Variants in PXDNL observed in about 807,000 individuals in gnomAD.
PXDNL encodes probable oxidoreductase PXDNL.
PXDNL carries 145 observed loss-of-function variants against 150.8 expected under a neutral mutation model. The observed-to-expected ratio is 0.96, with a 90% CI of 0.84 to 1.10. PXDNL has a LOEUF of 1.10. Ranked by LOEUF, PXDNL falls within the 50% of genes least tolerant of loss-of-function variation. The pLI is 0.00. For synonymous variants in PXDNL, 757 were observed against 725.7 expected (o/e 1.04, Z -0.69); for missense variants, 2,087 against 1,873.9 (o/e 1.11, Z -2.10).
At chr8:51,673,149 A>G (rs1018032558) in intron 1 of PXDNL, among the ~76,000 whole-genome samples, 1 of 152,222 alleles carries the variant, frequency 6.6e-6, no homozygotes, top group Non-Finnish European at 1.5e-5. Flanking sequence ...TAAGTGACCA[A>G]CAAACAGAGA....
chr8:51,570,458 G>T (rs1812910243), intron 3 of PXDNL, among the ~76,000 whole-genome samples: 1 of 151,742 alleles, frequency 6.6e-6, no homozygotes, highest in African/African-American at 2.4e-5. Context: ...GTCACCAAGA[G>T]AATCTAACCT....
intron 1 of PXDNL, among the ~76,000 whole-genome samples, chr8:51,659,769 T>G (rs755845194): frequency 5.3e-5 from 8 of 152,142 alleles, no homozygotes; most frequent in Non-Finnish European, 7.4e-5. Flanking sequence ...CCAGTGGATT[T>G]TAGGGCAAAT....
chr8:51,407,875 G>GA (rs2130883735), intron 17 of PXDNL, among the ~76,000 whole-genome samples, 192 bp downstream of exon 17: 1 of 152,226 alleles, frequency 6.6e-6, no homozygotes, highest in South Asian at 2.1e-4. Flanking sequence ...GAGGTGGATA[G>GA]AAAAAGGAGC....
chr8:51,351,855 G>T (rs1806363459), intron 19 of PXDNL, among the ~76,000 whole-genome samples: 1 of 151,986 alleles, frequency 6.6e-6, no homozygotes, highest in South Asian at 2.1e-4. Context: ...ATAAAAATCA[G>T]AAAAATGTTA....
At chr8:51,656,782 G>T (rs778623368) in intron 1 of PXDNL, among the ~76,000 whole-genome samples, 1 of 151,946 alleles carries the variant, frequency 6.6e-6, no homozygotes, top group African/African-American at 2.4e-5. Flanking sequence ...ATAATTTCAC[G>T]TGTGTATGTT....
chr8:51,704,168 A>T (rs542377627), intron 1 of PXDNL, among the ~76,000 whole-genome samples: 9 of 152,308 alleles, frequency 5.9e-5, no homozygotes, highest in Admixed American at 4.6e-4. Flanking sequence ...CTTTCAATTT[A>T]CCATATAAAT....
intron 1 of PXDNL, among the ~76,000 whole-genome samples, chr8:51,796,460 A>C (rs2037561937): frequency 6.6e-6 from 1 of 152,158 alleles, no homozygotes; most frequent in Admixed American, 6.5e-5. Flanking sequence ...GAGAAAAATC[A>C]AATAGACACA....
At chr8:51,526,358 A>T (rs76925809) in intron 4 of PXDNL, among the ~76,000 whole-genome samples, 4,597 of 150,386 alleles carry the variant, frequency 0.031, 209 homozygotes, top group African/African-American at 0.11. Flanking sequence ...TTTTTTTTTT[A>T]AATTTCATTT....
intron 1 of PXDNL, among the ~76,000 whole-genome samples, chr8:51,670,264 T>C (rs1429952333): frequency 6.6e-6 from 1 of 152,050 alleles, no homozygotes; most frequent in African/African-American, 2.4e-5. Context: ...AAAGATTTCT[T>C]GCTTCAGTTG....
At chr8:51,690,039 CT>C (rs1443045569) in intron 1 of PXDNL, among the ~76,000 whole-genome samples, 1 of 152,192 alleles carries the variant, frequency 6.6e-6, no homozygotes. Context: ...TCCTCCTAAC[CT>C]CTCTGATAAT....
At chr8:51,531,941 C>T (rs946073121) in intron 4 of PXDNL, among the ~76,000 whole-genome samples, 1 of 152,222 alleles carries the variant, frequency 6.6e-6, no homozygotes, top group Non-Finnish European at 1.5e-5. Context: ...TTGCAGACAT[C>T]CCAAGAAGCA....
intron 19 of PXDNL, among the ~76,000 whole-genome samples, chr8:51,370,561 T>C (rs543905227): frequency 2.0e-4 from 30 of 152,296 alleles, no homozygotes; most frequent in African/African-American, 7.2e-4. Flanking sequence ...ACATTCCTTT[T>C]TGCTGTGTCC....
Position 51,457,479 on chromosome 8 carries a change from T to C in PXDNL, c.982+19A>G, listed in dbSNP as rs759760795. 5 of 1,587,022 alleles carry C rather than the reference T, an allele frequency of 3.2e-6. No individual in the cohort carries two copies. The highest frequency in any genetic ancestry group is 4.5e-5 in the East Asian group (2 of 44,330). Reference sequence around the variant, plus strand: ...TTCCAGTGCAGATAATTGATAGAACTAGAAAATAATAGTTTTACCTGGAAG... The same window carrying C: ...TTCCAGTGCAGATAATTGATAGAACCAGAAAATAATAGTTTTACCTGGAAG... On this transcript the variant is annotated intron_variant, in intron 9 of 22. Transcript: ENST00000356297.
intron 4 of PXDNL, among the ~76,000 whole-genome samples, chr8:51,520,732 G>A (rs545024814): frequency 4.6e-5 from 7 of 152,164 alleles, no homozygotes; most frequent in African/African-American, 1.4e-4. Context: ...GCAGAGCAAT[G>A]CAAATCCTCA....
intron 4 of PXDNL, among the ~76,000 whole-genome samples, chr8:51,517,339 C>A (rs549416086): frequency 6.6e-6 from 1 of 152,002 alleles, no homozygotes; most frequent in Non-Finnish European, 1.5e-5. Context: ...TCAAAATATA[C>A]GAAAATATAT....
chr8:51,792,248 A>C (rs2037519999), intron 1 of PXDNL, among the ~76,000 whole-genome samples: 1 of 152,076 alleles, frequency 6.6e-6, no homozygotes, highest in East Asian at 2.0e-4. Context: ...TCTCACTGGG[A>C]CTGACTAGGT....
chr8:51,438,575 C>T lies in PXDNL; in HGVS notation c.1525+8429G>A, dbSNP rs377004949. On this transcript the variant is annotated intron_variant, in intron 12 of 22. Coordinates refer to ENST00000356297, the MANE Select transcript of PXDNL (RefSeq NM_144651.5). ...CTAAAAATACAAAAAATTAGCCAGG[C>T]ATGGTGGCGGGTGCCTATAGTCCCA... 1.1e-3 allele frequency among the ~76,000 whole-genome samples: 162 copies of T among 152,208 alleles called. 2 individuals are homozygous for T. The highest frequency in any genetic ancestry group is 3.6e-3 in the African/African-American group (151 of 41,560).
At chr8:51,324,092 C>T (rs7017403) in intron 21 of PXDNL, among the ~76,000 whole-genome samples, 51,114 of 151,872 alleles carry the variant, frequency 0.34, 10,269 homozygotes, top group African/African-American at 0.56. Context: ...TGTTAGTATA[C>T]AGAAATGCCA....
chr8:51,459,854 T>C (rs572074344), intron 8 of PXDNL, among the ~76,000 whole-genome samples: 2 of 152,300 alleles, frequency 1.3e-5, no homozygotes, highest in East Asian at 3.9e-4. Context: ...TATTAAGGTG[T>C]TTCATTACAA....
Sources: allele counts gnomAD v4.1 joint callset (sites outside exome capture counted in the v4.1 genomes callset), GRCh38; gene constraint gnomAD v4.1.1; transcripts MANE v1.5; gene names NCBI Gene and HGNC (gene_info 2026-07-23, HGNC 2026-07-21).